MBOAT1: variants seen among roughly 807,000 people sequenced by gnomAD.
MBOAT1 encodes the protein membrane-bound glycerophospholipid O-acyltransferase 1.
In MBOAT1, 67 loss-of-function variants were observed where a neutral mutation model predicts 64.4. The ratio of observed to expected loss-of-function variants is 1.04; its 90% CI spans 0.85 to 1.27. MBOAT1 has a LOEUF of 1.27. Ranked by LOEUF, MBOAT1 falls within the 50% of genes most tolerant of loss-of-function variation. MBOAT1 has a pLI of 0.00. For missense variants in MBOAT1, 563 were observed against 604.6 expected (o/e 0.93, Z 0.72); for synonymous variants, 229 against 218.9 (o/e 1.05, Z -0.41).
intron 8 of MBOAT1, among the ~76,000 whole-genome samples, chr6:20,119,509 A>G (rs544437129): frequency 4.6e-5 from 7 of 152,326 alleles, no homozygotes; most frequent in African/African-American, 1.4e-4. Flanking sequence ...TCCTTTTTCT[A>G]TAAAAGTCCA....
In MBOAT1 at chr6:20,152,655, CA is replaced by C. The variant is rs778653220; in HGVS notation, c.213del (p.Phe71LeufsTer22). 2 of 1,610,978 alleles carry C rather than the reference CA, an allele frequency of 1.2e-6. No homozygotes were observed. Among genetic ancestry groups the C allele is most frequent in the Admixed American group, 1.7e-5 (1 of 59,972 alleles). ...SDVRHAVATI[F>X]GIYFVIFCFG... Reference sequence around the variant, plus strand: ...AAACAAAAGATGACAAAATAGATGCCAAAAATGGTGGCAACCGCATGCCGGA... The same window carrying C: ...AAACAAAAGATGACAAAATAGATGCCAAAATGGTGGCAACCGCATGCCGGA... On this transcript the variant is annotated frameshift_variant, in exon 2 of 13. Transcript: ENST00000324607. LOFTEE classifies it high-confidence loss of function.
At chr6:20,171,637 A>G (rs1371041962) in intron 1 of MBOAT1, among the ~76,000 whole-genome samples, 2 of 152,226 alleles carry the variant, frequency 1.3e-5, no homozygotes, top group East Asian at 1.9e-4. Context: ...CTGATTTCCA[A>G]TCAAATCCTC....
chr6:20,123,832 A>G (rs1320110539), intron 8 of MBOAT1, among the ~76,000 whole-genome samples: 8 of 152,160 alleles, frequency 5.3e-5, no homozygotes, highest in Non-Finnish European at 1.0e-4. Flanking sequence ...CAGGGCGGGC[A>G]GATCACGACG....
At position 20,152,737 on chromosome 6, in the gene MBOAT1, CAG is replaced by C. The variant is rs1761557231; in HGVS notation, c.130_131del (p.Leu44ValfsTer18). On this transcript the variant is annotated frameshift_variant, in exon 2 of 13. Coordinates refer to ENST00000324607, the MANE Select transcript of MBOAT1 (RefSeq NM_001080480.3). LOFTEE classifies it high-confidence loss of function. ...AGATGCGAAACCAGAAAGCAGCAAA[CAG>C]AGCAACAAGCTGGCATACCACAAAA... is the stretch of plus-strand genomic sequence containing the variant. ...VNFVVCQLVALFAAFWFRIYL... is the reference protein window; with the variant it reads ...VNFVVCQLVAXFAAFWFRIYL... 1 of 1,612,432 alleles carries C rather than the reference CAG, an allele frequency of 6.2e-7. No individual in the cohort carries two copies. The highest frequency in any genetic ancestry group is 8.5e-7 in the Non-Finnish European group (1 of 1,178,846).
chr6:20,189,292 T>C (rs1242545399), intron 1 of MBOAT1, among the ~76,000 whole-genome samples: 1 of 152,258 alleles, frequency 6.6e-6, no homozygotes, highest in Non-Finnish European at 1.5e-5. Context: ...CATTTTGAAA[T>C]ACACATAGAT....
At position 20,101,931 on chromosome 6, in the gene MBOAT1, C is replaced by T. The variant is rs1385910660; in HGVS notation, c.*355G>A. On this transcript the variant is annotated 3_prime_UTR_variant, in exon 13 of 13. Transcript: ENST00000324607. The stretch of plus-strand genomic sequence containing the variant: ...GAGATCGAGACCATCCCGGCTAAAA[C>T]GGTGAAACCCCGTCTCTACTAAAAA... 6.6e-6 allele frequency among the ~76,000 whole-genome samples: 1 copy of T among 151,110 alleles called. No individual in the cohort carries two copies. The highest frequency in any genetic ancestry group is 2.4e-5 in the African/African-American group (1 of 41,060).
In MBOAT1 at chr6:20,142,494, G is replaced by A. The variant is rs548441331; in HGVS notation, c.419+1726C>T. On this transcript the variant is annotated intron_variant, in intron 4 of 12. Coordinates refer to ENST00000324607, the MANE Select transcript of MBOAT1 (RefSeq NM_001080480.3). Reference sequence around the variant, plus strand: ...TGAGACGGTCTCGCTCTGCCACCCAGGCTGGAGTGCAGTGGCGCGATCTCA... The same window carrying A: ...TGAGACGGTCTCGCTCTGCCACCCAAGCTGGAGTGCAGTGGCGCGATCTCA... 4.6e-5 allele frequency among the ~76,000 whole-genome samples: 7 copies of A among 152,314 alleles called. No homozygotes were observed. The South Asian group carries it at 1.2e-3, about 27-fold the overall frequency.
intron 1 of MBOAT1, among the ~76,000 whole-genome samples, chr6:20,185,808 A>C (rs1762635354): frequency 6.6e-6 from 1 of 152,238 alleles, no homozygotes; most frequent in South Asian, 2.1e-4. Flanking sequence ...TCCACTTAAC[A>C]GATGAAAAGA....
At chr6:20,175,223 C>T (rs547388564) in intron 1 of MBOAT1, among the ~76,000 whole-genome samples, 13 of 152,122 alleles carry the variant, frequency 8.5e-5, no homozygotes, top group Non-Finnish European at 1.8e-4. Flanking sequence ...ATAGACACTG[C>T]TTCTTTTTAA....
At position 20,109,901 on chromosome 6, in the gene MBOAT1, ACTTTT is replaced by A. The variant is rs1258246544; in HGVS notation, c.1210-157_1210-153del. 4.1e-4 allele frequency: 122 copies of A among 299,930 alleles called. 1 individual carries two copies. Among genetic ancestry groups the A allele is most frequent in the Non-Finnish European group, 6.2e-4 (110 of 176,826 alleles). 18.6% of individuals were successfully genotyped at this position (299,930 alleles called of 1,614,324 possible). A position where few individuals can be genotyped will look rare whatever the true frequency, so the allele number is the denominator to read the frequency against. ...ATTTTCGACTACAAATACCATCAGG[ACTTTT>A]TTTTTTTTTTTTTTTTTTTTTGAGA... On this transcript the variant is annotated intron_variant, in intron 11 of 12. Coordinates refer to ENST00000324607, the MANE Select transcript of MBOAT1 (RefSeq NM_001080480.3).
chr6:20,146,186 A>G (rs890931563), intron 3 of MBOAT1, among the ~76,000 whole-genome samples: 8 of 152,316 alleles, frequency 5.3e-5, no homozygotes, highest in Middle Eastern at 3.4e-3. Context: ...ATGCCATAAA[A>G]CAGGGAAGAG....
intron 1 of MBOAT1, among the ~76,000 whole-genome samples, chr6:20,170,380 T>C (rs1216678985): frequency 2.0e-5 from 3 of 152,154 alleles, no homozygotes; most frequent in African/African-American, 7.2e-5. Flanking sequence ...GTTCATCATC[T>C]TCCTCTTTGA....
At chr6:20,103,419 TTTTG>T (rs150927645) in intron 12 of MBOAT1, among the ~76,000 whole-genome samples, 2,917 of 152,118 alleles carry the variant, frequency 0.019, 41 homozygotes, top group African/African-American at 0.034. Context: ...TGTTTTGGTT[TTTTG>T]TTTGTTTGTT....
chr6:20,116,612 T>A (rs543763337), intron 9 of MBOAT1, among the ~76,000 whole-genome samples: 5 of 152,216 alleles, frequency 3.3e-5, no homozygotes, highest in Non-Finnish European at 7.3e-5. Context: ...GTTTTATTTA[T>A]CTATTTCTTC....
At chr6:20,109,566 C>T (rs377210291) in intron 12 of MBOAT1, 32 bp downstream of exon 12, 92 of 1,598,028 alleles carry the variant, frequency 5.8e-5, no homozygotes, top group Middle Eastern at 1.7e-4. Flanking sequence ...GAGTCATTTA[C>T]GAGATGGCAA....
At chr6:20,200,226 C>T (rs947939190) in intron 1 of MBOAT1, among the ~76,000 whole-genome samples, 4 of 152,142 alleles carry the variant, frequency 2.6e-5, no homozygotes, top group African/African-American at 9.7e-5. Context: ...ACTCAGTTCA[C>T]CCAACATGCG....
intron 3 of MBOAT1, among the ~76,000 whole-genome samples, chr6:20,146,544 G>A (rs1761330747): frequency 6.6e-6 from 1 of 152,202 alleles, no homozygotes; most frequent in Non-Finnish European, 1.5e-5. Flanking sequence ...GTGGAATGAA[G>A]TTAGGCCTTG....
intron 1 of MBOAT1, among the ~76,000 whole-genome samples, chr6:20,166,150 T>C (rs549652667): frequency 1.3e-5 from 2 of 152,194 alleles, no homozygotes; most frequent in Non-Finnish European, 2.9e-5. Context: ...ATTTCTCCTT[T>C]ACTTTATCAT....
intron 1 of MBOAT1, among the ~76,000 whole-genome samples, chr6:20,209,267 C>T (rs887708935): frequency 3.3e-5 from 5 of 152,316 alleles, no homozygotes; most frequent in African/African-American, 1.2e-4. Context: ...TTATTATGCG[C>T]TATTTGTCTC....
Sources: allele counts gnomAD v4.1 joint callset (sites outside exome capture counted in the v4.1 genomes callset), GRCh38; gene constraint gnomAD v4.1.1; transcripts MANE v1.5; gene names NCBI Gene and HGNC (gene_info 2026-07-23, HGNC 2026-07-21).